RAMP3: variants seen among roughly 807,000 people sequenced by gnomAD.
RAMP3 encodes the protein receptor activity-modifying protein 3.
In RAMP3, 14 loss-of-function variants were observed where a neutral mutation model predicts 13.5. The observed-to-expected ratio is 1.04, with a 90% CI of 0.69 to 1.63. The LOEUF is 1.63. Among genes scored for constraint, RAMP3 ranks in the 40% most tolerant of loss-of-function variants. The pLI is 0.00. For synonymous variants in RAMP3, 106 were observed against 88.3 expected (o/e 1.20, Z -1.12); for missense variants, 200 against 204.8 (o/e 0.98, Z 0.14).
intron 1 of RAMP3, among the ~76,000 whole-genome samples, chr7:45,171,128 C>T (rs1786073165): frequency 6.6e-6 from 1 of 151,710 alleles, no homozygotes; most frequent in South Asian, 2.1e-4. Context: ...GTGAATTTCC[C>T]CAAATTCTTT....
chr7:45,177,505 G>GCCTGA, intron 2 of RAMP3, 64 bp downstream of exon 2: 1 of 1,604,824 alleles, frequency 6.2e-7, no homozygotes. Flanking sequence ...CCCAACCACT[G>GCCTGA]CCTGACCACA....
intron 1 of RAMP3, among the ~76,000 whole-genome samples, chr7:45,169,663 TC>T (rs538697216): frequency 4.8e-4 from 73 of 152,314 alleles, no homozygotes; most frequent in Non-Finnish European, 6.9e-4. Flanking sequence ...GTAGCATCAC[TC>T]CCATCTCTGC....
Position 45,167,570 on chromosome 7 carries a change from T to TTTA in RAMP3, c.58+9686_58+9687insATT, listed in dbSNP as rs1349328417. Reference sequence around the variant, plus strand: ...CTACAACTTTGTTCTTTTTTTTTTTTTTTTATTTTTGAGACGGAGTTTCAT... The same window carrying TTTA: ...CTACAACTTTGTTCTTTTTTTTTTTTTTATTTTATTTTTGAGACGGAGTTTCAT... On this transcript the variant is annotated intron_variant, in intron 1 of 2. Transcript: ENST00000242249. Among the ~76,000 whole-genome samples, 4 of 151,550 alleles carry TTTA rather than the reference T, an allele frequency of 2.6e-5. No individual in the cohort carries two copies. The South Asian group carries it at 8.3e-4, about 32-fold the overall frequency.
rs116731948 is a variant in RAMP3, at chr7:45,177,692, C to T, written c.191+251C>T. Among the ~76,000 whole-genome samples the T allele has an allele frequency of 8.9e-3, 1,359 of 152,220 alleles. 20 individuals carry two copies. The highest frequency in any genetic ancestry group is 0.031 in the African/African-American group (1,307 of 41,536). ...CCACATCCCCCTGGCACATCACTCA[C>T]GGCCCCGCCCATGCCGTGCCCCTGC... On this transcript the variant is annotated intron_variant, in intron 2 of 2. Transcript: ENST00000242249.
At chr7:45,175,575 G>A (rs1786166091) in intron 1 of RAMP3, among the ~76,000 whole-genome samples, 1 of 152,194 alleles carries the variant, frequency 6.6e-6, no homozygotes, top group African/African-American at 2.4e-5. Context: ...GGGCAGTCAC[G>A]AAGGGAAGAA....
intron 2 of RAMP3, among the ~76,000 whole-genome samples, chr7:45,182,288 G>A (rs1339269322): frequency 1.3e-5 from 2 of 152,206 alleles, no homozygotes; most frequent in African/African-American, 4.8e-5. Context: ...ATCTGGGCAG[G>A]AGTCCATCTA....
intron 2 of RAMP3, among the ~76,000 whole-genome samples, chr7:45,179,281 C>A (rs1294934): frequency 1.3e-5 from 2 of 151,764 alleles, no homozygotes; most frequent in African/African-American, 4.8e-5. Context: ...AGTGACCCCC[C>A]CAACCCCTGG....
chr7:45,177,541 T>TCAC, intron 2 of RAMP3, 100 bp downstream of exon 2: 1 of 1,542,722 alleles, frequency 6.5e-7, no homozygotes. Context: ...ACCCAAGGCC[T>TCAC]CACCCATGCC....
intron 2 of RAMP3, among the ~76,000 whole-genome samples, chr7:45,181,840 G>GT (rs1430774734): frequency 6.6e-6 from 1 of 152,208 alleles, no homozygotes; most frequent in African/African-American, 2.4e-5. Context: ...ATTCGAGGCT[G>GT]TTTCTTTTGC....
In RAMP3 at chr7:45,173,994, G is replaced by T. The variant is rs1036767200; in HGVS notation, c.59-3315G>T. 4.6e-5 allele frequency among the ~76,000 whole-genome samples: 7 copies of T among 152,100 alleles called. No homozygotes were observed. In the East Asian group the frequency reaches 1.4e-3, roughly 29 times the overall value. ...TGCCAAGGAGAGGGGTGAGGTGGGG[G>T]TGTTGGTGGGGGCTGTGGATTTCCT... On this transcript the variant is annotated intron_variant, in intron 1 of 2. Coordinates refer to ENST00000242249, the MANE Select transcript of RAMP3 (RefSeq NM_005856.3).
chr7:45,184,135 T>C lies in RAMP3; in HGVS notation c.*723T>C, dbSNP rs575557775. 9 of 398,954 alleles carry C rather than the reference T, an allele frequency of 2.3e-5. No homozygotes were observed. In the East Asian group the frequency reaches 3.2e-4, roughly 14 times the overall value. 24.7% of individuals were successfully genotyped at this position (398,954 alleles called of 1,614,324 possible). A position where few individuals can be genotyped will look rare whatever the true frequency, so the allele number is the denominator to read the frequency against. On this transcript the variant is annotated 3_prime_UTR_variant, in exon 3 of 3. Coordinates refer to ENST00000242249, the MANE Select transcript of RAMP3 (RefSeq NM_005856.3). ...TGTGCGGATGGGGCCTGGGCCTCCT[T>C]CCTACAGGGGCTCCTCTGTGGGTGA...
intron 1 of RAMP3, among the ~76,000 whole-genome samples, chr7:45,167,150 G>C (rs559157205): frequency 2.0e-5 from 3 of 151,974 alleles, no homozygotes; most frequent in African/African-American, 7.3e-5. Flanking sequence ...GTAGAGACGC[G>C]GTTTCAGTGT....
In RAMP3 at chr7:45,184,086, T is replaced by A. The variant is rs1421121308; in HGVS notation, c.*674T>A. On this transcript the variant is annotated 3_prime_UTR_variant, in exon 3 of 3. Coordinates refer to ENST00000242249, the MANE Select transcript of RAMP3 (RefSeq NM_005856.3). ...GACCAGAGGCTGGAGTGGGGGTGTG[T>A]TAGAGCCCCTCACCGGGACTTGCTG... 2.5e-6 allele frequency: 1 copy of A among 400,256 alleles called. No homozygotes were observed. Among genetic ancestry groups the A allele is most frequent in the Non-Finnish European group, 4.4e-6 (1 of 227,296 alleles). 24.8% of individuals were successfully genotyped at this position (400,256 alleles called of 1,614,324 possible). A position where few individuals can be genotyped will look rare whatever the true frequency, so the allele number is the denominator to read the frequency against.
chr7:45,169,636 G>A (rs1031191693), intron 1 of RAMP3, among the ~76,000 whole-genome samples: 1 of 152,172 alleles, frequency 6.6e-6, no homozygotes, highest in Admixed American at 6.5e-5. Context: ...GTGGCCCCAG[G>A]TGTTCCTTGG....
intron 1 of RAMP3, among the ~76,000 whole-genome samples, chr7:45,162,017 C>T (rs2128655070): frequency 1.3e-5 from 2 of 152,232 alleles, no homozygotes; most frequent in African/African-American, 4.8e-5. Context: ...CCTTCAGAGT[C>T]CAAGGCAGGG....
At position 45,163,064 on chromosome 7, in the gene RAMP3, A is replaced by G. The variant is rs551692830; in HGVS notation, c.58+5178A>G. The stretch of plus-strand genomic sequence containing the variant: ...GGAGACACATTGCTTTCCATCTCTC[A>G]GTCTCAGCCTTGACCCCATGTCTGA... On this transcript the variant is annotated intron_variant, in intron 1 of 2. Coordinates refer to ENST00000242249, the MANE Select transcript of RAMP3 (RefSeq NM_005856.3). The G allele has an allele frequency of 8.4e-5, 57 of 678,558 alleles. No individual in the cohort carries two copies. In the Middle Eastern group the frequency reaches 4.5e-3, roughly 54 times the overall value. The allele number at this position is 678,558 out of a possible 1,614,324, so 42.0% of individuals were successfully genotyped here.
At position 45,183,271 on chromosome 7, in the gene RAMP3, C is replaced by CTGCCGTGGAG; in HGVS notation, c.306_307insTGCCGTGGAG (p.Asn103CysfsTer99). 1 of 1,614,102 alleles carries CTGCCGTGGAG rather than the reference C, an allele frequency of 6.2e-7. No individual in the cohort carries two copies. The highest frequency in any genetic ancestry group is 8.5e-7 in the Non-Finnish European group (1 of 1,180,052). On this transcript the variant is annotated frameshift_variant, in exon 3 of 3. Transcript: ENST00000242249. LOFTEE classifies it high-confidence loss of function. ...CCGGCATCCACAGGCAGTTCTTCTC[C>CTGCCGTGGAG]AACTGCACCGTGGACAGGGTCCACT... is the stretch of plus-strand genomic sequence containing the variant.
At chr7:45,170,403 A>G (rs1786057275) in intron 1 of RAMP3, among the ~76,000 whole-genome samples, 1 of 152,054 alleles carries the variant, frequency 6.6e-6, no homozygotes, top group South Asian at 2.1e-4. Context: ...CAATGGCGCA[A>G]TCTTGGCTAC....
Position 45,157,890 on chromosome 7 carries a change from AG to A in RAMP3, c.58+9del. The A allele has an allele frequency of 2.9e-6, 4 of 1,373,212 alleles. No homozygotes were observed. The highest frequency in any genetic ancestry group is 1.7e-5 in the South Asian group (1 of 57,488). The allele number at this position is 1,373,212 out of a possible 1,614,324, so 85.1% of individuals were successfully genotyped here. The stretch of plus-strand genomic sequence containing the variant: ...CCGTTGCTGCTGCTGCTCTGCGGTA[AG>A]GGGGCGACGGCCCGCACCGGGGGCG... On this transcript the variant is annotated splice_donor_5th_base_variant and intron_variant, in intron 1 of 2. Transcript: ENST00000242249.
Sources: allele counts gnomAD v4.1 joint callset (sites outside exome capture counted in the v4.1 genomes callset), GRCh38; gene constraint gnomAD v4.1.1; transcripts MANE v1.5; gene names NCBI Gene and HGNC (gene_info 2026-07-23, HGNC 2026-07-21).